Variants in ERP44 observed in about 807,000 individuals in gnomAD.
The protein encoded by ERP44 is endoplasmic reticulum protein 44, also known as endoplasmic reticulum resident protein 44.
Under a neutral mutation model 53.4 loss-of-function variants are expected in ERP44, and 25 were observed. The observed-to-expected ratio is 0.47, with a 90% confidence interval of 0.34 to 0.65. ERP44 has a LOEUF of 0.65. ERP44 is among the 30% of genes least tolerant of loss of function. ERP44 has a pLI of 0.01. For synonymous variants in ERP44, 145 were observed against 161.2 expected (o/e 0.90, Z 0.76); for missense variants, 338 against 493.2 (o/e 0.69, Z 2.98).
intron 1 of ERP44, among the ~76,000 whole-genome samples, chr9:100,070,537 G>A (rs138924969): frequency 4.9e-4 from 75 of 152,260 alleles, no homozygotes; most frequent in African/African-American, 1.7e-3. Context: ...ATGAAGCTTT[G>A]AATTAATTTT....
At chr9:100,016,133 C>A (rs572223862) in intron 8 of ERP44, among the ~76,000 whole-genome samples, 189 bp downstream of exon 8, 1 of 152,280 alleles carries the variant, frequency 6.6e-6, no homozygotes, top group South Asian at 2.1e-4. Context: ...GGAAATGTAA[C>A]AGAGGGGTTC....
chr9:100,088,621 A>T (rs1310454662), intron 1 of ERP44, among the ~76,000 whole-genome samples: 1 of 152,216 alleles, frequency 6.6e-6, no homozygotes, highest in East Asian at 1.9e-4. Flanking sequence ...AGAAAAGGGG[A>T]TACCTTTCAC....
chr9:100,018,008 G>A (rs1177980861), intron 7 of ERP44, among the ~76,000 whole-genome samples: 5 of 151,220 alleles, frequency 3.3e-5, no homozygotes, highest in Non-Finnish European at 5.9e-5. Context: ...CCTAATGCCA[G>A]CTCTGCTACT....
rs751064543 is a variant in ERP44 at position 100,052,326 on chromosome 9, AAAAAG to A, written c.286+86_286+90del. On this transcript the variant is annotated intron_variant, in intron 4 of 11. Coordinates refer to ENST00000262455, the MANE Select transcript of ERP44 (RefSeq NM_015051.3). ...TTTAAAAAAAAAAAGAAAAGGAAAAAAAAAGAAAAGAAAAGAAAAGAAAAAATGTG... is the reference window on the plus strand; with the variant it reads ...TTTAAAAAAAAAAAGAAAAGGAAAAAAAAAGAAAAGAAAAGAAAAAATGTG... 73 of 603,284 alleles carry A rather than the reference AAAAAG, an allele frequency of 1.2e-4. No homozygotes were observed. The Admixed American group carries it at 1.2e-3, about 10-fold the overall frequency. 37.4% of individuals were successfully genotyped at this position (603,284 alleles called of 1,614,324 possible).
intron 1 of ERP44, among the ~76,000 whole-genome samples, chr9:100,069,105 G>A (rs1826270509): frequency 6.6e-6 from 1 of 152,038 alleles, no homozygotes; most frequent in Middle Eastern, 3.4e-3. Flanking sequence ...TGCTCCTTAA[G>A]AGTCATCACC....
intron 6 of ERP44, among the ~76,000 whole-genome samples, chr9:100,020,167 A>G (rs566440201): frequency 6.6e-6 from 1 of 152,310 alleles, no homozygotes; most frequent in African/African-American, 2.4e-5. Context: ...TGAAGAGGTT[A>G]GCCTTAGAAA....
chr9:100,042,332 A>G (rs1177870735), intron 4 of ERP44, among the ~76,000 whole-genome samples: 3 of 152,256 alleles, frequency 2.0e-5, no homozygotes, highest in East Asian at 1.9e-4. Flanking sequence ...TGATCGTCAA[A>G]GAAATGCAAA....
At chr9:100,002,239 ATTATT>A (rs1161922856) in intron 10 of ERP44, among the ~76,000 whole-genome samples, 4 of 151,890 alleles carry the variant, frequency 2.6e-5, no homozygotes, top group Admixed American at 6.6e-5. Context: ...TGTAGCTATT[ATTATT>A]TTAATAGTTC....
chr9:100,021,066 T>TG (rs1437337847), intron 5 of ERP44, among the ~76,000 whole-genome samples: 2 of 152,198 alleles, frequency 1.3e-5, no homozygotes, highest in Non-Finnish European at 2.9e-5. Context: ...AATCATAACT[T>TG]GTGACTGTTG....
At chr9:100,070,284 A>T (rs554219801) in intron 1 of ERP44, among the ~76,000 whole-genome samples, 45 of 152,354 alleles carry the variant, frequency 3.0e-4, no homozygotes, top group African/African-American at 1.1e-3. Context: ...CTGAGTCATC[A>T]CAGTGTCAAC....
intron 4 of ERP44, among the ~76,000 whole-genome samples, chr9:100,033,450 G>C (rs112324443): frequency 5.3e-4 from 81 of 152,324 alleles, no homozygotes; most frequent in Non-Finnish European, 1.0e-3. Context: ...GGTATTTGAG[G>C]ATACAAACCC....
At chr9:100,067,381 C>CG (rs1341423685) in intron 1 of ERP44, among the ~76,000 whole-genome samples, 1 of 152,174 alleles carries the variant, frequency 6.6e-6, no homozygotes, top group Non-Finnish European at 1.5e-5. Context: ...TTGGTGGAGA[C>CG]GGGGTTTCGC....
At position 100,022,242 on chromosome 9, in the gene ERP44, A is replaced by T. The variant is rs1830599747; in HGVS notation, c.287-16T>A. 6.2e-7 allele frequency: 1 copy of T among 1,600,662 alleles called. No individual in the cohort carries two copies. The highest frequency in any genetic ancestry group is 1.3e-5 in the African/African-American group (1 of 74,158). On this transcript the variant is annotated splice_polypyrimidine_tract_variant and intron_variant, in intron 4 of 11. Transcript: ENST00000262455. ...GCTATGTCAGCTAAAAGAATGAAAA[A>T]AAATTATTTACCCTCATATGTAGTC...
chr9:100,089,247 G>T lies in ERP44; in HGVS notation c.57+9537C>A, dbSNP rs894432364. On this transcript the variant is annotated intron_variant, in intron 1 of 11. Coordinates refer to ENST00000262455, the MANE Select transcript of ERP44 (RefSeq NM_015051.3). ...AAAACCCATACTTTACTTAATAATGGCTCCAAAGCACAAGAGTAGTGATGC... is the reference window on the plus strand; with the variant it reads ...AAAACCCATACTTTACTTAATAATGTCTCCAAAGCACAAGAGTAGTGATGC... Among the ~76,000 whole-genome samples the T allele has an allele frequency of 3.3e-5, 5 of 152,106 alleles. 1 individual carries two copies. The highest frequency in any genetic ancestry group is 9.6e-5 in the African/African-American group (4 of 41,490).
chr9:100,041,407 C>T (rs1448103855), intron 4 of ERP44, among the ~76,000 whole-genome samples: 3 of 152,070 alleles, frequency 2.0e-5, no homozygotes, highest in Non-Finnish European at 2.9e-5. Context: ...CAGTGGCTCA[C>T]GCCTGTAATC....
At position 100,074,278 on chromosome 9, in the gene ERP44, G is replaced by A. The variant is rs915915201; in HGVS notation, c.58-14106C>T. On this transcript the variant is annotated intron_variant, in intron 1 of 11. Transcript: ENST00000262455. ...TCCTGAAACTATCCTCCCCACCCCC[G>A]TCAGTCTTCCACAAAACCACTGCCT... Among the ~76,000 whole-genome samples, 6 of 152,158 alleles carry A rather than the reference G, an allele frequency of 3.9e-5. No individual in the cohort carries two copies. The South Asian group carries it at 8.3e-4, about 21-fold the overall frequency.
At chr9:100,091,340 C>T (rs1826554124) in intron 1 of ERP44, among the ~76,000 whole-genome samples, 1 of 152,180 alleles carries the variant, frequency 6.6e-6, no homozygotes, top group Non-Finnish European at 1.5e-5. Context: ...GAAGGGACTT[C>T]TCCAAAGTGG....
intron 10 of ERP44, among the ~76,000 whole-genome samples, chr9:100,002,950 T>C (rs1312938362): frequency 6.6e-6 from 1 of 152,156 alleles, no homozygotes; most frequent in Admixed American, 6.5e-5. Flanking sequence ...ACTTGAATAT[T>C]TACTCTTTTG....
At chr9:100,012,690 A>G (rs1489169783) in intron 8 of ERP44, among the ~76,000 whole-genome samples, 1 of 152,234 alleles carries the variant, frequency 6.6e-6, no homozygotes, top group African/African-American at 2.4e-5. Flanking sequence ...CTAAAATGCA[A>G]AGGCAACGTT....
Sources: allele counts gnomAD v4.1 joint callset (sites outside exome capture counted in the v4.1 genomes callset), GRCh38; gene constraint gnomAD v4.1.1; transcripts MANE v1.5; gene names NCBI Gene and HGNC (gene_info 2026-07-23, HGNC 2026-07-21).